LHFPL3: variants seen among roughly 807,000 people sequenced by gnomAD.
The protein encoded by LHFPL3 is LHFPL tetraspan subfamily member 3.
LHFPL3 carries 5 observed loss-of-function variants against 19.3 expected under a neutral mutation model. The ratio of observed to expected loss-of-function variants is 0.26; its 90% CI spans 0.14 to 0.54. The LOEUF (loss-of-function observed/expected upper bound fraction) is 0.54, where lower values mean the gene tolerates loss of function less well. Ranked by LOEUF, LHFPL3 falls within the 20% of genes least tolerant of loss-of-function variation. The probability of loss-of-function intolerance (pLI) is 0.94; values close to 1 mark genes in which losing one functional copy is unlikely to be tolerated. For missense variants in LHFPL3, 249 were observed against 307.4 expected (o/e 0.81, Z 1.42); for synonymous variants, 133 against 126.2 (o/e 1.05, Z -0.36).
chr7:104,530,122 T>A (rs1794267746), intron 1 of LHFPL3, among the ~76,000 whole-genome samples: 1 of 152,276 alleles, frequency 6.6e-6, no homozygotes, highest in South Asian at 2.1e-4. Context: ...CATTGAGATA[T>A]TTGGAAATAA....
intron 1 of LHFPL3, among the ~76,000 whole-genome samples, chr7:104,445,291 A>G (rs1040447274): frequency 1.3e-5 from 2 of 152,128 alleles, no homozygotes; most frequent in Non-Finnish European, 2.9e-5. Context: ...TGGTACAGAC[A>G]TAAGAGTCAA....
chr7:104,375,974 C>A (rs1284516901), intron 1 of LHFPL3, among the ~76,000 whole-genome samples: 1 of 152,204 alleles, frequency 6.6e-6, no homozygotes, highest in African/African-American at 2.4e-5. Context: ...CTGGGTTCTA[C>A]CTTTAGACTA....
chr7:104,366,947 C>T (rs989126770), intron 1 of LHFPL3, among the ~76,000 whole-genome samples: 2 of 152,000 alleles, frequency 1.3e-5, no homozygotes, highest in African/African-American at 2.4e-5. Flanking sequence ...GTTTTTTTCT[C>T]ATTTATTTTG....
intron 1 of LHFPL3, among the ~76,000 whole-genome samples, chr7:104,605,489 T>C (rs1791076524): frequency 6.6e-6 from 1 of 152,244 alleles, no homozygotes; most frequent in Non-Finnish European, 1.5e-5. Context: ...TGCAAACTTA[T>C]ACATTAGGAA....
At chr7:104,501,213 A>T (rs189479527) in intron 1 of LHFPL3, among the ~76,000 whole-genome samples, 1 of 152,206 alleles carries the variant, frequency 6.6e-6, no homozygotes, top group Non-Finnish European at 1.5e-5. Flanking sequence ...TCCTTGGTTA[A>T]TCATAGGTAT....
intron 2 of LHFPL3, among the ~76,000 whole-genome samples, chr7:104,855,629 C>CTTT (rs11371248): frequency 2.7e-5 from 4 of 146,136 alleles, no homozygotes; most frequent in Non-Finnish European, 4.5e-5. Flanking sequence ...ATTTTTCTTT[C>CTTT]TTTTTTTTTT....
At chr7:104,672,976 T>G (rs991628307) in intron 1 of LHFPL3, among the ~76,000 whole-genome samples, 2 of 152,204 alleles carry the variant, frequency 1.3e-5, no homozygotes, top group African/African-American at 4.8e-5. Flanking sequence ...GGTTTTTCTT[T>G]CTAATCTGAA....
intron 1 of LHFPL3, among the ~76,000 whole-genome samples, chr7:104,515,168 CTT>C (rs1451944652): frequency 6.6e-6 from 1 of 152,140 alleles, no homozygotes; most frequent in East Asian, 1.9e-4. Flanking sequence ...AAAATTTACT[CTT>C]TTGATTTTTA....
chr7:104,394,931 C>T (rs953675949), intron 1 of LHFPL3, among the ~76,000 whole-genome samples: 1 of 152,006 alleles, frequency 6.6e-6, no homozygotes, highest in African/African-American at 2.4e-5. Context: ...GAACTCCTGA[C>T]TTTGTGATCC....
At chr7:104,512,304 G>C (rs550625166) in intron 1 of LHFPL3, among the ~76,000 whole-genome samples, 3 of 152,094 alleles carry the variant, frequency 2.0e-5, no homozygotes, top group African/African-American at 7.2e-5. Flanking sequence ...AGGTATTTAG[G>C]GGTCATGTAA....
intron 1 of LHFPL3, among the ~76,000 whole-genome samples, chr7:104,413,433 A>G (rs1791568858): frequency 6.6e-6 from 1 of 152,210 alleles, no homozygotes; most frequent in Non-Finnish European, 1.5e-5. Context: ...TTTATTTGTC[A>G]GGCACTCTTC....
chr7:104,821,659 C>A (rs1018918223), intron 2 of LHFPL3, among the ~76,000 whole-genome samples: 1 of 152,168 alleles, frequency 6.6e-6, no homozygotes, highest in Admixed American at 6.5e-5. Flanking sequence ...TTGGAAAATT[C>A]AGCATAATCT....
intron 1 of LHFPL3, among the ~76,000 whole-genome samples, chr7:104,531,685 T>C (rs1036381287): frequency 2.0e-5 from 3 of 152,160 alleles, no homozygotes; most frequent in African/African-American, 7.2e-5. Flanking sequence ...AAATCACTTA[T>C]ATAGTGAGTA....
intron 1 of LHFPL3, among the ~76,000 whole-genome samples, chr7:104,353,760 G>A (rs1790222214): frequency 6.6e-6 from 1 of 152,162 alleles, no homozygotes; most frequent in African/African-American, 2.4e-5. Flanking sequence ...TACCAGTGTA[G>A]TTCTGGGCAC....
rs1016384513 is a variant in LHFPL3, at chr7:104,668,518, G to A, written c.446-68157G>A. 5.0e-5 allele frequency: 81 copies of A among 1,613,092 alleles called. No homozygotes were observed. In the African/African-American group the frequency reaches 6.9e-4, roughly 14 times the overall value. ...GGTGGCCGGGATCGCTATGATGACC[G>A]AGGCAGCAGAGACTATGATAGAGGC... is the stretch of plus-strand genomic sequence containing the variant. On this transcript the variant is annotated intron_variant, in intron 1 of 2. Coordinates refer to ENST00000424859, the MANE Select transcript of LHFPL3 (RefSeq NM_199000.3).
At chr7:104,891,491 C>T (rs1183062910) in intron 2 of LHFPL3, among the ~76,000 whole-genome samples, 12 of 152,198 alleles carry the variant, frequency 7.9e-5, no homozygotes, top group African/African-American at 2.4e-4. Flanking sequence ...CATGACCCCT[C>T]ATGACCTAAG....
At chr7:104,615,173 A>C (rs953123332) in intron 1 of LHFPL3, among the ~76,000 whole-genome samples, 1 of 152,206 alleles carries the variant, frequency 6.6e-6, no homozygotes, top group Non-Finnish European at 1.5e-5. Context: ...GCTCAAAATA[A>C]TATGTTTTCT....
intron 2 of LHFPL3, among the ~76,000 whole-genome samples, chr7:104,766,405 A>G (rs1323156347): frequency 1.3e-5 from 2 of 152,134 alleles, no homozygotes; most frequent in Admixed American, 6.6e-5. Context: ...TTTCACTTGG[A>G]TTGTTTCTCA....
intron 1 of LHFPL3, among the ~76,000 whole-genome samples, chr7:104,439,298 A>G (rs1792172276): frequency 6.6e-6 from 1 of 152,220 alleles, no homozygotes; most frequent in South Asian, 2.1e-4. Flanking sequence ...GACAAATTTT[A>G]TGATGCTAAA....
Sources: gnomAD v4.1 joint callset for allele counts (sites outside exome capture counted in the v4.1 genomes callset) on GRCh38, gnomAD v4.1.1 for gene constraint, MANE v1.5 for transcripts, NCBI Gene and HGNC (gene_info 2026-07-23, HGNC 2026-07-21) for gene names.